The following WDR54 variants were observed in gnomAD, a reference collection of about 807,000 sequenced individuals.
WDR54 encodes the protein WD repeat domain 54.
A neutral mutation model predicts 44.1 loss-of-function variants in WDR54; 44 were observed. The observed-to-expected ratio is 1.00, with a 90% confidence interval of 0.78 to 1.28. WDR54 has a LOEUF of 1.28. Among genes scored for constraint, WDR54 ranks in the 50% most tolerant of loss-of-function variants. WDR54 has a pLI of 0.00. For missense variants in WDR54, 409 were observed against 429.7 expected (o/e 0.95, Z 0.43); for synonymous variants, 169 against 169.8 (o/e 1.00, Z 0.04).
At position 74,423,987 on chromosome 2, in the gene WDR54, G is replaced by A. The variant is rs1670241620; in HGVS notation, c.534+5G>A. The A allele has an allele frequency of 6.2e-7, 1 of 1,614,070 alleles. No homozygotes were observed. Among genetic ancestry groups the A allele is most frequent in the Non-Finnish European group, 8.5e-7 (1 of 1,179,998 alleles). On this transcript the variant is annotated splice_donor_5th_base_variant and intron_variant, in intron 6 of 9. Coordinates refer to ENST00000348227, the MANE Select transcript of WDR54 (RefSeq NM_032118.4). ...ACCGAGCCTGCCCAGGGACAGGTGA[G>A]TGGACTTCCCCTACCCATCTGGGAG...
rs377672641 is a variant in WDR54 at position 74,423,351 on chromosome 2, C to T, written c.318C>T (p.Tyr106=). ...AGTCCAATGGCTACACCATGGTCTA[C>T]TGGCATGCACTGGACTCTGGAGATG... ...MYESNGYTMV[Y]WHALDSGDAS... Residue 106 remains tyrosine (Y), a synonymous_variant, in exon 4 of 10, where the codon TAC becomes TAT. Transcript: ENST00000348227. The T allele has an allele frequency of 1.9e-6, 3 of 1,613,972 alleles. No homozygotes were observed. Among genetic ancestry groups the T allele is most frequent in the Admixed American group, 3.3e-5 (2 of 60,004 alleles).
chr2:74,425,341 G>A, intron 8 of WDR54, 76 bp from the exon 9 acceptor site: 1 of 1,593,456 alleles, frequency 6.3e-7, no homozygotes, highest in South Asian at 1.1e-5. Flanking sequence ...CCCTCCCCTG[G>A]GGCACCTGGA....
intron 3 of WDR54, 72 bp downstream of exon 3, chr2:74,423,004 C>A: frequency 6.6e-7 from 1 of 1,507,344 alleles, no homozygotes; most frequent in Non-Finnish European, 9.2e-7. Flanking sequence ...CAGACTTTCC[C>A]ACTTGCCTCT....
chr2:74,422,608 G>A (rs1346802392), intron 2 of WDR54: 2 of 615,304 alleles, frequency 3.3e-6, no homozygotes, highest in Non-Finnish European at 2.8e-6. Flanking sequence ...TGGCCAACAT[G>A]GTGAAACCTC....
chr2:74,424,922 T>C lies in WDR54; in HGVS notation c.582T>C (p.Cys194=), dbSNP rs1670300987. The C allele has an allele frequency of 6.8e-6, 11 of 1,614,096 alleles. No individual in the cohort carries two copies. In the East Asian group the frequency reaches 2.4e-4, roughly 36 times the overall value. Residue 194 remains cysteine, a synonymous_variant, in exon 7 of 10, where the codon TGT becomes TGC. Coordinates refer to ENST00000348227, the MANE Select transcript of WDR54 (RefSeq NM_032118.4). ...CGGCAGATGACTCAGGCTTGCTGTGTGTCTGGCGGTCAGGGCCAGAATTCA... is the reference window on the plus strand; with the variant it reads ...CGGCAGATGACTCAGGCTTGCTGTGCGTCTGGCGGTCAGGGCCAGAATTCA... ...MVTADDSGLL[C]VWRSGPEFTL... is the part of the protein sequence containing the mutation.
At chr2:74,424,105 A>T in intron 6 of WDR54, 123 bp downstream of exon 6, 1 of 1,215,432 alleles carries the variant, frequency 8.2e-7, no homozygotes, top group Non-Finnish European at 1.1e-6. Context: ...ACATTTTCCT[A>T]GTCTTCAGCA....
At chr2:74,422,724 C>T in intron 2 of WDR54, 146 bp from the exon 3 acceptor site, 1 of 744,828 alleles carries the variant, frequency 1.3e-6, no homozygotes, top group Admixed American at 2.6e-5. Context: ...ACCCAGGAGG[C>T]TGAGGTTGCA....
rs766235102 is a variant in WDR54, at chr2:74,425,681, C to T, written c.985C>T (p.Arg329Trp). 3.7e-5 allele frequency: 60 copies of T among 1,614,054 alleles called. No individual in the cohort carries two copies. In the South Asian group the frequency reaches 4.2e-4, roughly 11 times the overall value. The change falls in exon 10 of 10, where the codon CGG becomes TGG. Residue 329 changes from arginine (R) to tryptophan (W), a missense_variant. By Grantham distance (101) the Arg-to-Trp change is moderately radical (BLOSUM62 -3). Coordinates refer to ENST00000348227, the MANE Select transcript of WDR54 (RefSeq NM_032118.4). ...GACTGGCTATGACCTTGCGGAGATC[C>T]GGAGATTCAGCAGTGTGTGAGAAGA... ...AVTGYDLAEI[R>W]RFSSV
Position 74,422,216 on chromosome 2 carries a change from C to T in WDR54, c.63C>T (p.Leu21=). ...CGGCCGCCGCCCTGTGCAACAACCT[C>T]AGTGTGCTGCAGCTGCCGGCTCGCA... ...RGSAAALCNN[L]SVLQLPARNL... The change falls in exon 2 of 10, where the codon CTC becomes CTT. Residue 21 remains leucine, a synonymous_variant. Coordinates refer to ENST00000348227, the MANE Select transcript of WDR54 (RefSeq NM_032118.4). 1 of 1,614,186 alleles carries T rather than the reference C, an allele frequency of 6.2e-7. No homozygotes were observed. Among genetic ancestry groups the T allele is most frequent in the Non-Finnish European group, 8.5e-7 (1 of 1,180,050 alleles).
chr2:74,425,582 C>G lies in WDR54; in HGVS notation c.886C>G (p.His296Asp), dbSNP rs1333838518. 2.5e-6 allele frequency: 4 copies of G among 1,614,220 alleles called. No homozygotes were observed. The East Asian group carries it at 8.9e-5, about 36-fold the overall frequency. ...TCTGCTCCCCCAGGTGGAACACTGTCATGGTGAGTGTGTCGCCGACACCCA... is the reference window on the plus strand; with the variant it reads ...TCTGCTCCCCCAGGTGGAACACTGTGATGGTGAGTGTGTCGCCGACACCCA... ...ESGYIEVEHCHGECVADTQLC... is the reference protein window; with the variant it reads ...ESGYIEVEHCDGECVADTQLC... The change falls in exon 10 of 10, where the codon CAT (histidine) becomes GAT (aspartate). Residue 296 changes from histidine (H) to aspartate (D), a missense_variant. By Grantham distance (81) the His-to-Asp change is moderately conservative. Transcript: ENST00000348227.
chr2:74,423,462 C>T lies in WDR54; in HGVS notation c.353-16C>T. On this transcript the variant is annotated splice_polypyrimidine_tract_variant and intron_variant, in intron 4 of 9. Coordinates refer to ENST00000348227, the MANE Select transcript of WDR54 (RefSeq NM_032118.4). The stretch of plus-strand genomic sequence containing the variant: ...AGGAGGGGATATTTCTGATCATTCT[C>T]CCCTTTCATATTCAGTACAGGCTGT... The T allele has an allele frequency of 6.2e-7, 1 of 1,613,918 alleles. No individual in the cohort carries two copies. Among genetic ancestry groups the T allele is most frequent in the South Asian group, 1.1e-5 (1 of 91,080 alleles).
chr2:74,423,967 G>C lies in WDR54; in HGVS notation c.519G>C (p.Glu173Asp). The change falls in exon 6 of 10, where the codon GAG (glutamate) becomes GAC (aspartate). Residue 173 changes from glutamate to aspartate, a missense_variant. Coordinates refer to ENST00000348227, the MANE Select transcript of WDR54 (RefSeq NM_032118.4). Reference protein sequence around the residue: ...HQMPITDIATEPAQGQDCVAD... With the variant: ...HQMPITDIATDPAQGQDCVAD... ...TGCCAATCACAGACATTGCCACCGA[G>C]CCTGCCCAGGGACAGGTGAGTGGAC... The C allele has an allele frequency of 6.2e-7, 1 of 1,614,132 alleles. No individual in the cohort carries two copies. Among genetic ancestry groups the C allele is most frequent in the Non-Finnish European group, 8.5e-7 (1 of 1,180,028 alleles).
In WDR54 at chr2:74,422,931, A is replaced by T. The variant is rs756511814; in HGVS notation, c.284A>T (p.Gln95Leu). ...LLVLTSHRGI[Q>L]MYESNGYTMV... ...GTACTCACCTCACATCGAGGAATACAGGTAAGAAGAGGACTCTCCTGCTTG... is the reference window on the plus strand; with the variant it reads ...GTACTCACCTCACATCGAGGAATACTGGTAAGAAGAGGACTCTCCTGCTTG... Residue 95 changes from glutamine to leucine, a missense_variant and splice_region_variant, in exon 3 of 10, where the codon CAG becomes CTG. Transcript: ENST00000348227. 14 of 1,613,960 alleles carry T rather than the reference A, an allele frequency of 8.7e-6. No homozygotes were observed. Among genetic ancestry groups the T allele is most frequent in the Non-Finnish European group, 1.2e-5 (14 of 1,180,000 alleles).
In WDR54 at chr2:74,422,161, G is replaced by A; in HGVS notation, c.8G>A (p.Arg3His). The change falls in exon 2 of 10, where the codon CGC (arginine) becomes CAC (histidine). Residue 3 changes from arginine (R) to histidine (H), a missense_variant. Transcript: ENST00000348227. Reference protein sequence around the residue: MFRWERSIPLRGS... With the variant: MFHWERSIPLRGS... ...GCTGCACCCCCACACAGGATGTTCCGCTGGGAGCGCTCCATTCCCCTGCGA... is the reference window on the plus strand; with the variant it reads ...GCTGCACCCCCACACAGGATGTTCCACTGGGAGCGCTCCATTCCCCTGCGA... 6.2e-7 allele frequency: 1 copy of A among 1,612,528 alleles called. No homozygotes were observed. The highest frequency in any genetic ancestry group is 8.5e-7 in the Non-Finnish European group (1 of 1,179,778).
chr2:74,423,939 A>G lies in WDR54; in HGVS notation c.491A>G (p.Gln164Arg). 1 of 1,614,196 alleles carries G rather than the reference A, an allele frequency of 6.2e-7. No individual in the cohort carries two copies. Among genetic ancestry groups the G allele is most frequent in the Non-Finnish European group, 8.5e-7 (1 of 1,180,034 alleles). ...CTGAGCGAGGAGCTGGCTGGGCACC[A>G]GATGCCAATCACAGACATTGCCACC... The part of the protein sequence containing the change: ...IVLSEELAGH[Q>R]MPITDIATEP... The change falls in exon 6 of 10, where the codon CAG becomes CGG. Residue 164 changes from glutamine to arginine, a missense_variant. By Grantham distance (43) the Gln-to-Arg change is conservative. Transcript: ENST00000348227.
At chr2:74,423,244 G>A in intron 3 of WDR54, 75 bp from the exon 4 acceptor site, 2 of 1,531,788 alleles carry the variant, frequency 1.3e-6, no homozygotes, top group Non-Finnish European at 1.8e-6. Context: ...ATGGGCTAAG[G>A]CTAACACGGA....
Position 74,422,255 on chromosome 2 carries a change from T to C in WDR54, c.102T>C (p.Phe34=). 6.2e-7 allele frequency: 1 copy of C among 1,614,198 alleles called. No homozygotes were observed. Among genetic ancestry groups the C allele is most frequent in the Non-Finnish European group, 8.5e-7 (1 of 1,180,042 alleles). ...LQLPARNLTY[F]GVVHGPSAQL... Reference sequence around the variant, plus strand: ...TGCCGGCTCGCAACCTCACGTATTTTGGCGTGGTTCATGGACCAAGCGCCC... The same window carrying C: ...TGCCGGCTCGCAACCTCACGTATTTCGGCGTGGTTCATGGACCAAGCGCCC... The change falls in exon 2 of 10, where the codon TTT becomes TTC. Residue 34 remains phenylalanine (F), a synonymous_variant. Transcript: ENST00000348227.
chr2:74,425,322 A>C, intron 8 of WDR54, 85 bp downstream of exon 8: 1 of 1,567,262 alleles, frequency 6.4e-7, no homozygotes, highest in Non-Finnish European at 8.7e-7. Context: ...TTTGCAACTC[A>C]GTGTAGCCCC....
intron 3 of WDR54, 26 bp downstream of exon 3, chr2:74,422,958 C>T: frequency 1.2e-6 from 2 of 1,612,212 alleles, no homozygotes; most frequent in South Asian, 2.2e-5. Context: ...TCCTGCTTGC[C>T]CCACCAGAGC....
Sources: allele counts gnomAD v4.1 joint callset, GRCh38; gene constraint gnomAD v4.1.1; transcripts MANE v1.5; gene names NCBI Gene and HGNC (gene_info 2026-07-23, HGNC 2026-07-21).